The following CSMD1 variants were observed in gnomAD, a reference collection of about 807,000 sequenced individuals.
CSMD1 encodes the protein CUB and sushi domain-containing protein 1.
A neutral mutation model predicts 417.5 loss-of-function variants in CSMD1; 213 were observed. The ratio of observed to expected loss-of-function variants is 0.51; its 90% CI spans 0.46 to 0.57. The LOEUF (loss-of-function observed/expected upper bound fraction) is 0.57. Ranked by LOEUF, CSMD1 falls within the 20% of genes least tolerant of loss-of-function variation. CSMD1 has a pLI of 0.00. For synonymous variants in CSMD1, 2,862 were observed against 1,736.8 expected, an observed-to-expected ratio of 1.65 and a Z score of -16.11; for missense variants, 6,923 against 4,529.7, an observed-to-expected ratio of 1.53 and a Z score of -15.17.
chr8:4,233,477 G>C (rs778750082), intron 3 of CSMD1, among the ~76,000 whole-genome samples: 1 of 152,166 alleles, frequency 6.6e-6, no homozygotes, highest in Non-Finnish European at 1.5e-5. Flanking sequence ...GCTTTGATTA[G>C]GAAGAAGGAG....
rs1798027079 is a variant in CSMD1 at position 4,555,014 on chromosome 8, C to A, written c.302+82328G>T. ...AACACAGAGCCAGAAGGAGAGCACG[C>A]AAGTAAGACTCAGAGATGCTGGTAG... On this transcript the variant is annotated intron_variant, in intron 2 of 69. Coordinates refer to ENST00000635120, the MANE Select transcript of CSMD1 (RefSeq NM_033225.6). Among the ~76,000 whole-genome samples, 3 of 152,138 alleles carry A rather than the reference C, an allele frequency of 2.0e-5. No individual in the cohort carries two copies. The South Asian group carries it at 6.2e-4, about 32-fold the overall frequency.
intron 57 of CSMD1, 74 bp from the exon 58 acceptor site, chr8:2,966,820 T>G (rs537103058): frequency 1.5e-6 from 2 of 1,360,910 alleles, no homozygotes; most frequent in Middle Eastern, 2.4e-4. Context: ...AAGAGACCAA[T>G]GGGTATCAGT....
At chr8:3,156,301 A>C (rs1470229402) in intron 39 of CSMD1, among the ~76,000 whole-genome samples, 1 of 152,208 alleles carries the variant, frequency 6.6e-6, no homozygotes, top group Non-Finnish European at 1.5e-5. Flanking sequence ...GGAACAATAA[A>C]GACAGCACCC....
chr8:4,993,965 C>A (rs1811617669), intron 1 of CSMD1, among the ~76,000 whole-genome samples: 1 of 152,136 alleles, frequency 6.6e-6, no homozygotes, highest in Non-Finnish European at 1.5e-5. Context: ...TGCCCCTCAG[C>A]CACCCCGACC....
intron 18 of CSMD1, among the ~76,000 whole-genome samples, chr8:3,385,065 TATAA>T (rs1810913209): frequency 1.7e-5 from 2 of 115,424 alleles, no homozygotes; most frequent in South Asian, 2.5e-4. Context: ...ATATATAATA[TATAA>T]ATATATATAT....
chr8:4,203,703 C>T (rs1799803263), intron 3 of CSMD1, among the ~76,000 whole-genome samples: 2 of 152,070 alleles, frequency 1.3e-5, no homozygotes, highest in African/African-American at 2.4e-5. Context: ...CACACACAAA[C>T]ATACACACAC....
intron 5 of CSMD1, among the ~76,000 whole-genome samples, chr8:3,807,774 G>C (rs1800829517): frequency 6.6e-6 from 1 of 152,020 alleles, no homozygotes; most frequent in Admixed American, 6.6e-5. Context: ...TTCTCTCTCT[G>C]AGATATCTAG....
chr8:4,310,558 T>C (rs1798503571), intron 3 of CSMD1, among the ~76,000 whole-genome samples: 1 of 152,208 alleles, frequency 6.6e-6, no homozygotes, highest in South Asian at 2.1e-4. Flanking sequence ...TCAATACTTG[T>C]ATGACATTTA....
chr8:3,455,070 C>A (rs996583165), intron 12 of CSMD1, among the ~76,000 whole-genome samples: 3 of 152,110 alleles, frequency 2.0e-5, no homozygotes. Flanking sequence ...TTTGATCTTC[C>A]ATCACTGATA....
chr8:4,108,047 GAC>G (rs1354642854), intron 3 of CSMD1, among the ~76,000 whole-genome samples: 2 of 1,822 alleles, frequency 1.1e-3, no homozygotes, highest in Admixed American at 8.2e-3. Context: ...GAGAAAGAGA[GAC>G]AGAGACAGAG....
At chr8:4,031,314 C>A (rs1797332201) in intron 4 of CSMD1, among the ~76,000 whole-genome samples, 1 of 152,176 alleles carries the variant, frequency 6.6e-6, no homozygotes, top group South Asian at 2.1e-4. Flanking sequence ...TCCCAAGTGG[C>A]TGGGGAAGCC....
At chr8:3,606,839 A>G (rs1485000842) in intron 8 of CSMD1, among the ~76,000 whole-genome samples, 2 of 151,604 alleles carry the variant, frequency 1.3e-5, no homozygotes, top group African/African-American at 2.4e-5. Flanking sequence ...GCCTCCCAAG[A>G]AGCTGGGACT....
At position 4,755,911 on chromosome 8, in the gene CSMD1, T is replaced by G. The variant is rs141149915; in HGVS notation, c.86-118353A>C. ...GGCTGCTCGGCCTTCAGTTTTTTCC[T>G]TTCCAGTGAACTCTACACATTACCT... On this transcript the variant is annotated intron_variant, in intron 1 of 69. Coordinates refer to ENST00000635120, the MANE Select transcript of CSMD1 (RefSeq NM_033225.6). Among the ~76,000 whole-genome samples the G allele has an allele frequency of 7.0e-3, 1,070 of 152,286 alleles. 12 individuals are homozygous for G. Among genetic ancestry groups the G allele is most frequent in the African/African-American group, 0.024 (1,012 of 41,562 alleles).
chr8:4,196,391 G>A (rs1159194022), intron 3 of CSMD1, among the ~76,000 whole-genome samples: 1 of 152,076 alleles, frequency 6.6e-6, no homozygotes, highest in Admixed American at 6.5e-5. Flanking sequence ...TTCAATACAG[G>A]CCTCACTAGA....
At chr8:4,715,924 G>C (rs1178975657) in intron 1 of CSMD1, among the ~76,000 whole-genome samples, 1 of 152,158 alleles carries the variant, frequency 6.6e-6, no homozygotes, top group Non-Finnish European at 1.5e-5. Flanking sequence ...TCACATAATA[G>C]CTAAAATTGT....
chr8:3,153,712 C>G (rs1306156726), intron 39 of CSMD1, among the ~76,000 whole-genome samples: 1 of 152,190 alleles, frequency 6.6e-6, no homozygotes, highest in Non-Finnish European at 1.5e-5. Flanking sequence ...TGGCCCAGGA[C>G]CTCAGCGTAG....
chr8:3,362,973 T>C (rs986569057), intron 20 of CSMD1, among the ~76,000 whole-genome samples: 1 of 152,224 alleles, frequency 6.6e-6, no homozygotes, highest in Non-Finnish European at 1.5e-5. Flanking sequence ...ATCCATCCAA[T>C]GGCTTCATGC....
chr8:4,540,395 A>G (rs536615627), intron 2 of CSMD1, among the ~76,000 whole-genome samples: 2 of 152,178 alleles, frequency 1.3e-5, no homozygotes, highest in East Asian at 1.9e-4. Context: ...AAAAATAACA[A>G]CAACCGCGAA....
chr8:4,354,531 G>A (rs903556389), intron 3 of CSMD1, among the ~76,000 whole-genome samples: 1 of 152,082 alleles, frequency 6.6e-6, no homozygotes, highest in Non-Finnish European at 1.5e-5. Context: ...TTGATGTTGT[G>A]GAAAAGCTGG....
Sources: gnomAD v4.1 joint callset for allele counts (sites outside exome capture counted in the v4.1 genomes callset) on GRCh38, gnomAD v4.1.1 for gene constraint, MANE v1.5 for transcripts, NCBI Gene and HGNC (gene_info 2026-07-23, HGNC 2026-07-21) for gene names.